The following FOXP3 variants were observed in gnomAD, a reference collection of about 807,000 sequenced individuals.
The protein encoded by FOXP3 is forkhead box protein P3.
FOXP3 carries 5 observed loss-of-function variants against 31.2 expected under a neutral mutation model. The ratio of observed to expected loss-of-function variants is 0.16; its 90% confidence interval spans 0.08 to 0.34. The LOEUF (loss-of-function observed/expected upper bound fraction) is 0.34. Among genes scored for constraint, FOXP3 ranks in the 10% least tolerant of loss-of-function variants. The probability of loss-of-function intolerance (pLI) is 1.00; values close to 1 mark genes in which losing one functional copy is unlikely to be tolerated. For synonymous variants in FOXP3, 141 were observed against 148.8 expected (o/e 0.95, Z 0.38); for missense variants, 251 against 363.0 (o/e 0.69, Z 2.51).
chrX:49,253,544 C>T lies in FOXP3; in HGVS notation c.968-342G>A, dbSNP rs11465477. On this transcript the variant is annotated intron_variant, in intron 9 of 11. Transcript: ENST00000376207. ...GTGGAGAGCAGTGGATAGGTGAGCTCGGGCGAATCCACCCCGATTTTCCTT... is the reference window on the plus strand; with the variant it reads ...GTGGAGAGCAGTGGATAGGTGAGCTTGGGCGAATCCACCCCGATTTTCCTT... Among the ~76,000 whole-genome samples the T allele has an allele frequency of 2.0e-3, 221 of 112,379 alleles. 1 individual carries two copies. The highest frequency in any genetic ancestry group is 6.6e-3 in the African/African-American group (204 of 30,969).
chrX:49,250,614 G>A lies in FOXP3; in HGVS notation c.*720C>T. 1 of 338,215 alleles carries A rather than the reference G, an allele frequency of 3.0e-6. No individual in the cohort carries two copies. Among genetic ancestry groups the A allele is most frequent in the South Asian group, 3.2e-5 (1 of 31,290 alleles). The allele number at this position is 338,215 out of a possible 1,213,427, so 27.9% of individuals were successfully genotyped here. ...TATTTTTGGCAAGGCAGTGTGTGTGGCTGTGTGTGTCTGCACGGGACTCAA... is the reference window on the plus strand; with the variant it reads ...TATTTTTGGCAAGGCAGTGTGTGTGACTGTGTGTGTCTGCACGGGACTCAA... On this transcript the variant is annotated 3_prime_UTR_variant, in exon 12 of 12. Transcript: ENST00000376207.
At chrX:49,258,676 GACACACACACACAC>G (rs57734889) in intron 1 of FOXP3, 149 bp from the exon 2 acceptor site, 18 of 360,542 alleles carry the variant, frequency 5.0e-5, no homozygotes, top group Admixed American at 9.7e-5. Context: ...CCCAGCTCTA[GACACACACACACAC>G]ACACACACAC....
intron 10 of FOXP3, 158 bp from the exon 11 acceptor site, chrX:49,251,923 G>T: frequency 1.3e-6 from 1 of 752,137 alleles, no homozygotes; most frequent in South Asian, 6.8e-5. Flanking sequence ...TCAAAGATGG[G>T]GTTAGAAAAG....
intron 10 of FOXP3, 132 bp from the exon 11 acceptor site, chrX:49,251,897 G>A: frequency 8.8e-7 from 1 of 1,132,699 alleles, no homozygotes; most frequent in Non-Finnish European, 1.2e-6. Context: ...GACTAGATGT[G>A]GGGTGAAGCA....
rs1424687079 is a variant in FOXP3 at position 49,257,550 on chromosome X, C to T, written c.331G>A (p.Ala111Thr). The change falls in exon 4 of 12, where the codon GCC becomes ACC. Residue 111 changes from alanine (A) to threonine (T), a missense_variant. This residue lies in a region of FOXP3 where 152 missense variants were observed against 188.1 expected (regional missense o/e 0.81). Transcript: ENST00000376207. ...TGCAGCACAGGGGTCCGGGCGTGGG[C>T]ATCCACCGTTGAGAGCTGGGGGGCA... ...HFMHQLSTVD[A>T]HARTPVLQVH... 15 of 1,183,874 alleles carry T rather than the reference C, an allele frequency of 1.3e-5. No individual in the cohort carries two copies. The highest frequency in any genetic ancestry group is 5.3e-5 in the African/African-American group (3 of 56,800).
intron 2 of FOXP3, 98 bp from the exon 3 acceptor site, chrX:49,257,866 A>G: frequency 1.5e-6 from 1 of 650,434 alleles, no homozygotes; most frequent in South Asian, 2.6e-5. Flanking sequence ...GGTAGATGCT[A>G]TGATCATCCC....
At chrX:49,261,822 A>C (rs1557117248) in intron 1 of FOXP3, among the ~76,000 whole-genome samples, 1 of 111,955 alleles carries the variant, frequency 8.9e-6, no homozygotes, top group South Asian at 3.8e-4. Flanking sequence ...TCCCACCTAG[A>C]GTCCTGAGAT....
At position 49,251,317 on chromosome X, in the gene FOXP3, T is replaced by C. The variant is rs781977791; in HGVS notation, c.*17A>G. 1 of 1,205,789 alleles carries C rather than the reference T, an allele frequency of 8.3e-7. No homozygotes were observed. Among genetic ancestry groups the C allele is most frequent in the Non-Finnish European group, 1.1e-6 (1 of 892,585 alleles). ...TTTGGCCCCTGTTCGTCCATCCTCCTTTCCTTGATCTTGAGGTCAGGGGCC... is the reference window on the plus strand; with the variant it reads ...TTTGGCCCCTGTTCGTCCATCCTCCCTTCCTTGATCTTGAGGTCAGGGGCC... On this transcript the variant is annotated 3_prime_UTR_variant, in exon 12 of 12. Transcript: ENST00000376207.
chrX:49,256,220 A>AAG lies in FOXP3; in HGVS notation c.648-420_648-419dup, dbSNP rs782303757. On this transcript the variant is annotated intron_variant, in intron 6 of 11. Coordinates refer to ENST00000376207, the MANE Select transcript of FOXP3 (RefSeq NM_014009.4). ...TGTGTGTGTGTGTGAGAGAGAGAGA[A>AAG]AGAGAGAGAGAGAGAGAGAGAGAGA... Among the ~76,000 whole-genome samples, 385 of 66,963 alleles carry AAG rather than the reference A, an allele frequency of 5.7e-3. 11 individuals carry two copies. Among genetic ancestry groups the AAG allele is most frequent in the African/African-American group, 0.021 (259 of 12,388 alleles). 58.1% of individuals were successfully genotyped at this position (66,963 alleles called of 115,157 possible).
chrX:49,258,579 A>G, intron 1 of FOXP3, 52 bp from the exon 2 acceptor site: 1 of 977,793 alleles, frequency 1.0e-6, no homozygotes. Context: ...GCGGTATGAG[A>G]TACTCGACCA....
rs2066024091 is a variant in FOXP3 at position 49,250,714 on chromosome X, G to A, written c.*620C>T. 4 of 260,284 alleles carry A rather than the reference G, an allele frequency of 1.5e-5. No homozygotes were observed. The highest frequency in any genetic ancestry group is 1.5e-4 in the South Asian group (4 of 27,333). 21.5% of individuals were successfully genotyped at this position (260,284 alleles called of 1,213,427 possible). A position where few individuals can be genotyped will look rare whatever the true frequency, so the allele number is the denominator to read the frequency against. The stretch of plus-strand genomic sequence containing the variant: ...GAATTCTAACAGGCCGTGTGTGTGA[G>A]CGAGCACGTGTTGGGACCTCAGATC... On this transcript the variant is annotated 3_prime_UTR_variant, in exon 12 of 12. Coordinates refer to ENST00000376207, the MANE Select transcript of FOXP3 (RefSeq NM_014009.4).
chrX:49,253,889 C>T (rs782810691), intron 9 of FOXP3, 28 bp downstream of exon 9: 3 of 1,208,684 alleles, frequency 2.5e-6, no homozygotes, highest in Admixed American at 2.2e-5. Flanking sequence ...AGCTTGGGGG[C>T]ACCGTGTAGT....
At chrX:49,263,428 G>A (rs1252942443) in intron 1 of FOXP3, among the ~76,000 whole-genome samples, 1 of 111,615 alleles carries the variant, frequency 9.0e-6, no homozygotes, top group South Asian at 3.7e-4. Flanking sequence ...CCCTTTTCAG[G>A]AATCCAAGGA....
chrX:49,253,799 C>G (rs1358177558), intron 9 of FOXP3, 118 bp downstream of exon 9: 6 of 898,713 alleles, frequency 6.7e-6, no homozygotes, highest in Non-Finnish European at 9.6e-6. Flanking sequence ...TGAGTGGCGG[C>G]AGCTGCAGTG....
chrX:49,254,064 A>G lies in FOXP3; in HGVS notation c.820T>C (p.Ser274Pro). 8.3e-7 allele frequency: 1 copy of G among 1,208,041 alleles called. No individual in the cohort carries two copies. The highest frequency in any genetic ancestry group is 1.1e-6 in the Non-Finnish European group (1 of 893,908). ...MALTKASSVA[S>P]SDKGSCCIVA... ...ATGCAGCAGGAGCCCTTGTCGGATG[A>G]TGCCTGGGTGAGGGGGAGAGGCTGG... Residue 274 changes from serine to proline, a missense_variant, in exon 9 of 12, where the codon TCA becomes CCA. By Grantham distance (74) the Ser-to-Pro change is moderately conservative. Coordinates refer to ENST00000376207, the MANE Select transcript of FOXP3 (RefSeq NM_014009.4).
intron 1 of FOXP3, among the ~76,000 whole-genome samples, chrX:49,260,975 G>A (rs1172805805): frequency 8.9e-6 from 1 of 112,284 alleles, no homozygotes; most frequent in Non-Finnish European, 1.9e-5. Context: ...TGGCCACTAT[G>A]ACAAGCCCCT....
chrX:49,256,523 A>G (rs781922389), intron 6 of FOXP3, among the ~76,000 whole-genome samples: 48 of 112,167 alleles, frequency 4.3e-4, no homozygotes, highest in Non-Finnish European at 5.4e-4. Context: ...ATAACAGCAC[A>G]AACGTTTCTT....
At position 49,253,941 on chromosome X, in the gene FOXP3, T is replaced by C. The variant is rs1569529656; in HGVS notation, c.943A>G (p.Ser315Gly). 8.3e-7 allele frequency: 1 copy of C among 1,210,761 alleles called. No homozygotes were observed. The highest frequency in any genetic ancestry group is 1.1e-6 in the Non-Finnish European group (1 of 895,221). The change falls in exon 9 of 12, where the codon AGC becomes GGC. Residue 315 changes from serine (S) to glycine (G), a missense_variant. Ser to Gly is a moderately conservative substitution (Grantham distance 56, BLOSUM62 0). This residue lies in a region of FOXP3 where 57 missense variants were observed against 60.9 expected (regional missense o/e 0.94). Coordinates refer to ENST00000376207, the MANE Select transcript of FOXP3 (RefSeq NM_014009.4). ...CCTGGGAATGTGCTGTTTCCATGGC[T>C]ACCCCACAGGTGCCTCCGGACAGCA... ...LFAVRRHLWGSHGNSTFPEFL... is the reference protein window; with the variant it reads ...LFAVRRHLWGGHGNSTFPEFL...
chrX:49,256,832 C>T lies in FOXP3; in HGVS notation c.566G>A (p.Ser189Asn). 2 of 1,212,084 alleles carry T rather than the reference C, an allele frequency of 1.7e-6. No homozygotes were observed. Among genetic ancestry groups the T allele is most frequent in the South Asian group, 1.8e-5 (1 of 57,049 alleles). ...KDSTLSAVPQSSYPLLANGVC... is the reference protein window; with the variant it reads ...KDSTLSAVPQNSYPLLANGVC... ...ACCATTTGCCAGCAGTGGGTAGGAG[C>T]TCTGGGGCACAGCCGAAAGGGTGCT... The change falls in exon 6 of 12, where the codon AGC becomes AAC. Residue 189 changes from serine (S) to asparagine (N), a missense_variant. Physicochemically the swap from Ser to Asn is conservative, Grantham distance 46 (BLOSUM62 1). Coordinates refer to ENST00000376207, the MANE Select transcript of FOXP3 (RefSeq NM_014009.4).
Sources: gnomAD v4.1 joint callset for allele counts (sites outside exome capture counted in the v4.1 genomes callset) on GRCh38, gnomAD v4.1.1 for gene constraint, gnomAD v4.1.1 regional missense constraint, MANE v1.5 for transcripts, NCBI Gene and HGNC (gene_info 2026-07-23, HGNC 2026-07-21) for gene names.